The following RPIA variants were observed in gnomAD, a reference collection of about 807,000 sequenced individuals.
RPIA encodes the protein ribose-5-phosphate isomerase.
In RPIA, 29 loss-of-function variants were observed where a neutral mutation model predicts 37.8. The ratio of observed to expected loss-of-function variants is 0.77; its 90% confidence interval spans 0.57 to 1.05. The LOEUF is 1.05. Ranked by LOEUF, RPIA falls within the 50% of genes least tolerant of loss-of-function variation. RPIA has a pLI of 0.00. For synonymous variants in RPIA, 167 were observed against 157.0 expected (o/e 1.06, Z -0.48); for missense variants, 385 against 413.6 (o/e 0.93, Z 0.60).
intron 3 of RPIA, among the ~76,000 whole-genome samples, chr2:88,702,796 A>T (rs1409815227): frequency 6.6e-6 from 1 of 152,224 alleles, no homozygotes; most frequent in Non-Finnish European, 1.5e-5. Context: ...GTCTTAGCTC[A>T]TTTCAGCATT....
chr2:88,702,423 A>G (rs1363610765), intron 3 of RPIA, among the ~76,000 whole-genome samples: 1 of 135,124 alleles, frequency 7.4e-6, no homozygotes, highest in Non-Finnish European at 1.6e-5. Flanking sequence ...AATTGGACTT[A>G]CAGTTCCACG....
chr2:88,747,610 G>A (rs560167013), intron 8 of RPIA, among the ~76,000 whole-genome samples: 1 of 152,258 alleles, frequency 6.6e-6, no homozygotes, highest in African/African-American at 2.4e-5. Context: ...GCTTCCCTGG[G>A]CTCAAGCTGG....
intron 8 of RPIA, among the ~76,000 whole-genome samples, chr2:88,738,376 C>T (rs1673341264): frequency 6.6e-6 from 1 of 152,218 alleles, no homozygotes; most frequent in Admixed American, 6.5e-5. Context: ...AGGCCATCGT[C>T]TCTGGGTAGA....
rs1384729567 is a variant in RPIA, at chr2:88,691,956, C to T, written c.258C>T (p.Gly86=). 1.3e-6 allele frequency: 2 copies of T among 1,592,970 alleles called. No individual in the cohort carries two copies. The highest frequency in any genetic ancestry group is 1.8e-5 in the Admixed American group (1 of 56,400). Reference sequence around the variant, plus strand: ...CCGAGGAGGCCAAGAAGCTGGCGGGCCGCGCGGCTGTGGAGAACCACGTGA... The same window carrying T: ...CCGAGGAGGCCAAGAAGCTGGCGGGTCGCGCGGCTGTGGAGAACCACGTGA... ...SKAEEAKKLA[G]RAAVENHVRN... Residue 86 remains glycine (G), a synonymous_variant, in exon 1 of 9, where the codon GGC becomes GGT. Transcript: ENST00000283646.
chr2:88,740,549 T>C (rs141524874), intron 8 of RPIA, among the ~76,000 whole-genome samples: 10 of 152,350 alleles, frequency 6.6e-5, no homozygotes, highest in Non-Finnish European at 1.0e-4. Context: ...GTACACAGTA[T>C]GTGAGGACGC....
intron 3 of RPIA, among the ~76,000 whole-genome samples, chr2:88,707,060 AT>A (rs1553419632): frequency 6.6e-6 from 1 of 152,232 alleles, no homozygotes; most frequent in Non-Finnish European, 1.5e-5. Flanking sequence ...TGGAGGGCAC[AT>A]TTTAGAGGCC....
At chr2:88,720,136 A>G (rs1673101137) in intron 3 of RPIA, among the ~76,000 whole-genome samples, 5 of 152,130 alleles carry the variant, frequency 3.3e-5, no homozygotes, top group Admixed American at 3.3e-4. Context: ...AGGACTTGGT[A>G]TCCTTCTCAG....
intron 3 of RPIA, among the ~76,000 whole-genome samples, chr2:88,721,571 A>ACC (rs1156741297): frequency 7.7e-3 from 176 of 22,908 alleles, no homozygotes; most frequent in Middle Eastern, 0.022. Flanking sequence ...ACACACACAC[A>ACC]CCCCCCCCCC....
intron 8 of RPIA, among the ~76,000 whole-genome samples, chr2:88,748,091 A>G (rs973357472): frequency 2.6e-5 from 4 of 152,176 alleles, no homozygotes; most frequent in Non-Finnish European, 5.9e-5. Flanking sequence ...CACTTTTCCA[A>G]CCAACTAGTT....
intron 3 of RPIA, among the ~76,000 whole-genome samples, chr2:88,705,263 A>G (rs1045792141): frequency 6.6e-6 from 1 of 152,220 alleles, no homozygotes; most frequent in African/African-American, 2.4e-5. Context: ...GGCCAAGACA[A>G]TCCTAAGCAA....
chr2:88,699,929 T>C (rs1672807769), intron 2 of RPIA, 80 bp from the exon 3 acceptor site: 2 of 1,452,610 alleles, frequency 1.4e-6, no homozygotes, highest in African/African-American at 2.8e-5. Flanking sequence ...CCTTGTCTGT[T>C]GGTTTCGAGC....
At position 88,691,999 on chromosome 2, in the gene RPIA, CGT is replaced by C; in HGVS notation, c.285+18_285+19del. 6.4e-7 allele frequency: 1 copy of C among 1,573,592 alleles called. No homozygotes were observed. Among genetic ancestry groups the C allele is most frequent in the Non-Finnish European group, 8.6e-7 (1 of 1,161,620 alleles). ...CCACGTGAGGGTGAGCACTTCGAAACGTGGGGCGCGGGGCGCATGTCCTTGGC... is the reference window on the plus strand; with the variant it reads ...CCACGTGAGGGTGAGCACTTCGAAACGGGGCGCGGGGCGCATGTCCTTGGC... On this transcript the variant is annotated intron_variant, in intron 1 of 8. Coordinates refer to ENST00000283646, the MANE Select transcript of RPIA (RefSeq NM_144563.3).
chr2:88,749,779 A>C (rs1044969057), intron 8 of RPIA, among the ~76,000 whole-genome samples: 3 of 152,244 alleles, frequency 2.0e-5, no homozygotes, highest in African/African-American at 7.2e-5. Context: ...AGAAGGCCAA[A>C]GTGGGAGGGG....
chr2:88,696,545 A>G (rs1178764004), intron 1 of RPIA, among the ~76,000 whole-genome samples: 2 of 151,872 alleles, frequency 1.3e-5, no homozygotes, highest in Non-Finnish European at 2.9e-5. Flanking sequence ...TATATACAAG[A>G]TATATTGTAT....
intron 7 of RPIA, among the ~76,000 whole-genome samples, chr2:88,737,219 C>T (rs549695090): frequency 7.9e-5 from 12 of 152,288 alleles, no homozygotes; most frequent in Non-Finnish European, 1.3e-4. Context: ...TAACTTTTCC[C>T]TCTTTTTATA....
chr2:88,694,542 A>G (rs1453529528), intron 1 of RPIA, among the ~76,000 whole-genome samples: 2 of 152,210 alleles, frequency 1.3e-5, no homozygotes, highest in Admixed American at 6.5e-5. Context: ...ACACACACAC[A>G]CAATGTTTTT....
chr2:88,722,988 A>G (rs921386186), intron 3 of RPIA, among the ~76,000 whole-genome samples: 5 of 152,224 alleles, frequency 3.3e-5, no homozygotes, highest in African/African-American at 1.2e-4. Context: ...AACCAAGTGC[A>G]TAGTTTTTTG....
At chr2:88,727,102 C>CGCATGTGTGCGCGT (rs955310626) in intron 3 of RPIA, among the ~76,000 whole-genome samples, 21 of 151,926 alleles carry the variant, frequency 1.4e-4, no homozygotes, top group South Asian at 1.3e-3. Context: ...TGTGTGCGCG[C>CGCATGTGTGCGCGT]GCATGTGTGC....
chr2:88,739,274 A>G (rs973804673), intron 8 of RPIA, among the ~76,000 whole-genome samples: 1 of 152,188 alleles, frequency 6.6e-6, no homozygotes, highest in African/African-American at 2.4e-5. Flanking sequence ...GGCCAGTTTA[A>G]TGGAGCAGAC....
Sources: gnomAD v4.1 joint callset for allele counts (sites outside exome capture counted in the v4.1 genomes callset) on GRCh38, gnomAD v4.1.1 for gene constraint, MANE v1.5 for transcripts, NCBI Gene and HGNC (gene_info 2026-07-23, HGNC 2026-07-21) for gene names.